TMEM35A: variants seen among roughly 807,000 people sequenced by gnomAD.
TMEM35A encodes the protein nicotinic acetylcholine receptor chaperone.
For synonymous variants in TMEM35A, 50 were observed against 54.7 expected, an observed-to-expected ratio of 0.91 and a Z score of 0.38; for missense variants, 83 against 132.7, an observed-to-expected ratio of 0.63 and a Z score of 1.84.
chrX:101,090,711 C>A (rs1390915389), intron 1 of TMEM35A, among the ~76,000 whole-genome samples: 1 of 111,163 alleles, frequency 9.0e-6, no homozygotes, highest in East Asian at 2.8e-4. Context: ...CTGATATATA[C>A]CCATACTTAG....
rs1452158445 is a variant in TMEM35A, at chrX:101,095,308, TGTGCGCGC to T, written c.*354_*361del. ...TACTCTGTGTGTGTGTGTGTGTGTG[TGTGCGCGC>T]GCGCGCGCACGCGCACACACTCACG... is the stretch of plus-strand genomic sequence containing the variant. On this transcript the variant is annotated 3_prime_UTR_variant, in exon 2 of 2. Coordinates refer to ENST00000372930, the MANE Select transcript of TMEM35A (RefSeq NM_021637.3). The T allele has an allele frequency of 1.9e-3, 183 of 93,982 alleles. 1 individual carries two copies. The highest frequency in any genetic ancestry group is 9.7e-3 in the African/African-American group (169 of 17,357). 7.7% of individuals were successfully genotyped at this position (93,982 alleles called of 1,213,427 possible).
At chrX:101,079,602 T>A (rs2089285962) in intron 1 of TMEM35A, among the ~76,000 whole-genome samples, 1 of 111,854 alleles carries the variant, frequency 8.9e-6, no homozygotes, top group African/African-American at 3.2e-5. Flanking sequence ...AGGGGCTGAC[T>A]GGTATTCCTC....
chrX:101,082,153 T>C (rs1196553549), intron 1 of TMEM35A, among the ~76,000 whole-genome samples: 2 of 100,040 alleles, frequency 2.0e-5, no homozygotes, highest in Non-Finnish European at 4.0e-5. Context: ...TTTTTTTTTT[T>C]TTTGCTTTTC....
At chrX:101,084,229 C>A (rs952324837) in intron 1 of TMEM35A, among the ~76,000 whole-genome samples, 7 of 103,276 alleles carry the variant, frequency 6.8e-5, no homozygotes, top group Non-Finnish European at 1.4e-4. Context: ...GTTTAGCATT[C>A]ATGTGGCAAT....
At chrX:101,083,264 T>G (rs2089297840) in intron 1 of TMEM35A, among the ~76,000 whole-genome samples, 1 of 112,192 alleles carries the variant, frequency 8.9e-6, no homozygotes, top group African/African-American at 3.2e-5. Flanking sequence ...GGGACGCAGT[T>G]TCCTGTGCAG....
chrX:101,088,243 G>C (rs2089313272), intron 1 of TMEM35A, among the ~76,000 whole-genome samples: 1 of 111,894 alleles, frequency 8.9e-6, no homozygotes, highest in Non-Finnish European at 1.9e-5. Context: ...CCTGTCTTTT[G>C]TGTTTATCAC....
At chrX:101,089,847 T>G (rs2089318285) in intron 1 of TMEM35A, among the ~76,000 whole-genome samples, 2 of 111,150 alleles carry the variant, frequency 1.8e-5, no homozygotes. Flanking sequence ...TCTAAACCAT[T>G]AGTCTTTTAA....
At chrX:101,090,390 A>T in intron 1 of TMEM35A, among the ~76,000 whole-genome samples, 1 of 103,081 alleles carries the variant, frequency 9.7e-6, no homozygotes, top group East Asian at 3.0e-4. Flanking sequence ...CTGGTCTCAA[A>T]CTCCTGGCCT....
chrX:101,082,279 T>C (rs1280124285), intron 1 of TMEM35A, among the ~76,000 whole-genome samples: 1 of 105,604 alleles, frequency 9.5e-6, no homozygotes, highest in East Asian at 3.0e-4. Context: ...TTTCTCCTGT[T>C]TCTACTGGAG....
At chrX:101,081,219 C>T (rs1041690093) in intron 1 of TMEM35A, among the ~76,000 whole-genome samples, 16 of 112,464 alleles carry the variant, frequency 1.4e-4, no homozygotes, top group African/African-American at 4.2e-4. Flanking sequence ...TTGTATCTAA[C>T]TGAGAAGTAG....
At chrX:101,088,947 G>A (rs1398229761) in intron 1 of TMEM35A, among the ~76,000 whole-genome samples, 6 of 109,809 alleles carry the variant, frequency 5.5e-5, no homozygotes, top group Non-Finnish European at 3.8e-5. Context: ...TTTTTTCCCC[G>A]TAATGTCCCC....
At chrX:101,084,844 G>A (rs757251247) in intron 1 of TMEM35A, among the ~76,000 whole-genome samples, 14 of 110,601 alleles carry the variant, frequency 1.3e-4, no homozygotes, top group South Asian at 7.6e-4. Context: ...CAGCCTGGAC[G>A]ACAGAGTTAG....
intron 1 of TMEM35A, among the ~76,000 whole-genome samples, chrX:101,088,438 C>T (rs142848704): frequency 0.11 from 11,976 of 109,639 alleles, 536 homozygotes; most frequent in Middle Eastern, 0.17. Context: ...ATAGTGAGAC[C>T]CAGTCTCTAC....
intron 1 of TMEM35A, among the ~76,000 whole-genome samples, chrX:101,080,899 T>G (rs2089289993): frequency 9.1e-6 from 1 of 109,859 alleles, no homozygotes; most frequent in Non-Finnish European, 1.9e-5. Context: ...AGCTGCACCC[T>G]AAGTACAGTG....
chrX:101,088,085 C>T (rs1361482430), intron 1 of TMEM35A, among the ~76,000 whole-genome samples: 1 of 110,851 alleles, frequency 9.0e-6, no homozygotes, highest in Non-Finnish European at 1.9e-5. Context: ...GTAGTCACAG[C>T]TACTTGGGAG....
rs1322892369 is a variant in TMEM35A, at chrX:101,095,300, TGTGTGTGTGTGC to T, written c.*346_*357del. 2.8e-5 allele frequency: 3 copies of T among 106,266 alleles called. No individual in the cohort carries two copies. The highest frequency in any genetic ancestry group is 4.8e-5 in the Non-Finnish European group (3 of 62,555). The allele number at this position is 106,266 out of a possible 1,213,427, so 8.8% of individuals were successfully genotyped here. On this transcript the variant is annotated 3_prime_UTR_variant, in exon 2 of 2. Coordinates refer to ENST00000372930, the MANE Select transcript of TMEM35A (RefSeq NM_021637.3). ...TATTTAACTACTCTGTGTGTGTGTG[TGTGTGTGTGTGC>T]GCGCGCGCGCGCACGCGCACACACT...
At chrX:101,091,788 G>C (rs1268583918) in intron 1 of TMEM35A, among the ~76,000 whole-genome samples, 1 of 111,364 alleles carries the variant, frequency 9.0e-6, no homozygotes, top group Non-Finnish European at 1.9e-5. Flanking sequence ...GCCATATTTG[G>C]TGTGTCAGGG....
rs751830918 is a variant in TMEM35A at position 101,092,063 on chromosome X, T to C, written c.121-2510T>C. On this transcript the variant is annotated intron_variant, in intron 1 of 1. Coordinates refer to ENST00000372930, the MANE Select transcript of TMEM35A (RefSeq NM_021637.3). Reference sequence around the variant, plus strand: ...GTATTTACATATCCGCTCTTCCCCTTATAAACTTCAAGCTTCAGGAAGACA... The same window carrying C: ...GTATTTACATATCCGCTCTTCCCCTCATAAACTTCAAGCTTCAGGAAGACA... Among the ~76,000 whole-genome samples, 86 of 111,337 alleles carry C rather than the reference T, an allele frequency of 7.7e-4. 1 individual carries two copies. The highest frequency in any genetic ancestry group is 9.2e-3 in the Middle Eastern group (2 of 217).
At chrX:101,092,051 C>T (rs775313134) in intron 1 of TMEM35A, among the ~76,000 whole-genome samples, 1 of 111,009 alleles carries the variant, frequency 9.0e-6, no homozygotes, top group Non-Finnish European at 1.9e-5. Context: ...TTTACATATC[C>T]GCTCTTCCCC....
Sources: gnomAD v4.1 joint callset for allele counts (sites outside exome capture counted in the v4.1 genomes callset) on GRCh38, gnomAD v4.1.1 for gene constraint, MANE v1.5 for transcripts, NCBI Gene and HGNC (gene_info 2026-07-23, HGNC 2026-07-21) for gene names.